SHTN1: variants seen among roughly 807,000 people sequenced by gnomAD.
SHTN1 encodes shootin-1.
In SHTN1, 42 loss-of-function variants were observed where a neutral mutation model predicts 83.1. The ratio of observed to expected loss-of-function variants is 0.51; its 90% CI spans 0.39 to 0.65. The LOEUF is 0.65. SHTN1 is among the 30% of genes least tolerant of loss of function. The pLI, the probability that SHTN1 is intolerant of heterozygous loss-of-function variation, is 0.00. For missense variants in SHTN1, 622 were observed against 737.8 expected, an observed-to-expected ratio of 0.84 and a Z score of 1.82; for synonymous variants, 224 against 247.7, an observed-to-expected ratio of 0.90 and a Z score of 0.90.
chr10:116,898,636 T>A (rs1847607423), intron 16 of SHTN1, among the ~76,000 whole-genome samples: 1 of 152,158 alleles, frequency 6.6e-6, no homozygotes, highest in Non-Finnish European at 1.5e-5. Flanking sequence ...TTATTAGACA[T>A]AATTAACAGG....
intron 1 of SHTN1, among the ~76,000 whole-genome samples, chr10:117,121,949 G>A (rs1007876013): frequency 2.6e-5 from 4 of 151,886 alleles, no homozygotes; most frequent in South Asian, 2.1e-4. Context: ...GGAGAATGGC[G>A]TGAACCCAGG....
At chr10:117,009,142 C>A (rs1852064544), upstream of SHTN1, among the ~76,000 whole-genome samples, 1 of 151,846 alleles carries the variant, frequency 6.6e-6, no homozygotes, top group Non-Finnish European at 1.5e-5. Context: ...AAGAAAATAT[C>A]AACCAAATAT....
chr10:117,028,414 G>T (rs1009418335), intron 2 of SHTN1, among the ~76,000 whole-genome samples: 10 of 152,152 alleles, frequency 6.6e-5, no homozygotes, highest in Admixed American at 5.2e-4. Flanking sequence ...GTAGAAATTT[G>T]TATAAGTAAA....
At chr10:117,103,744 G>T (rs140645847) in intron 1 of SHTN1, among the ~76,000 whole-genome samples, 13,176 of 151,814 alleles carry the variant, frequency 0.087, 747 homozygotes, top group South Asian at 0.14. Context: ...CACTGTGTTA[G>T]CCAGGATGGT....
At chr10:117,054,096 C>T (rs1406041861) in intron 1 of SHTN1, among the ~76,000 whole-genome samples, 1 of 151,976 alleles carries the variant, frequency 6.6e-6, no homozygotes, top group African/African-American at 2.4e-5. Flanking sequence ...AATACTAAGC[C>T]CCTCACCAAT....
intron 2 of SHTN1, among the ~76,000 whole-genome samples, chr10:117,046,017 A>G (rs1589909835): frequency 6.6e-6 from 1 of 152,230 alleles, no homozygotes; most frequent in East Asian, 1.9e-4. Flanking sequence ...TAAACCAGAT[A>G]CAACTGAGGA....
At chr10:117,020,713 T>TA (rs1453768596) in intron 2 of SHTN1, among the ~76,000 whole-genome samples, 1 of 151,868 alleles carries the variant, frequency 6.6e-6, no homozygotes, top group African/African-American at 2.4e-5. Context: ...ATGAAGTTTC[T>TA]AGAAGAAAAC....
intron 1 of SHTN1, among the ~76,000 whole-genome samples, chr10:117,055,147 G>A (rs377178322): frequency 1.3e-5 from 2 of 152,136 alleles, no homozygotes; most frequent in East Asian, 3.9e-4. Flanking sequence ...CGAATCTCGT[G>A]AGAACTCACT....
chr10:116,904,616 T>C (rs866172222), intron 15 of SHTN1, among the ~76,000 whole-genome samples: 17 of 152,294 alleles, frequency 1.1e-4, no homozygotes, highest in South Asian at 2.1e-4. Flanking sequence ...CCTAAAATAA[T>C]ACAAATATTT....
chr10:116,997,076 C>A (rs1851652080), intron 1 of SHTN1, among the ~76,000 whole-genome samples: 1 of 152,196 alleles, frequency 6.6e-6, no homozygotes. Flanking sequence ...ATTACAAAGA[C>A]AAGAGGTCTA....
At chr10:116,932,380 C>T (rs139312139) in intron 9 of SHTN1, among the ~76,000 whole-genome samples, 2 of 152,276 alleles carry the variant, frequency 1.3e-5, no homozygotes, top group East Asian at 1.9e-4. Flanking sequence ...GAACTGCACA[C>T]GCGAGGGATC....
intron 14 of SHTN1, among the ~76,000 whole-genome samples, chr10:116,911,004 G>A (rs1316744829): frequency 1.3e-5 from 2 of 152,208 alleles, no homozygotes; most frequent in East Asian, 3.9e-4. Context: ...AATTGGCACA[G>A]CAACAACAAA....
intron 2 of SHTN1, among the ~76,000 whole-genome samples, chr10:117,032,876 A>G (rs1297717390): frequency 2.0e-5 from 3 of 152,214 alleles, no homozygotes. Context: ...AAAAATCAGT[A>G]ACAAGAGGAA....
chr10:117,104,889 G>C lies in SHTN1; in HGVS notation c.-189+21418C>G, dbSNP rs537385172. ...GAAAATCTAGTATGTCTGACTCTCT[G>C]TGGGAATTACTGGAGTTGGATTAAA... On this transcript the variant is annotated intron_variant, in intron 1 of 17. Coordinates refer to the SHTN1 transcript ENST00000392901. 7.9e-5 allele frequency among the ~76,000 whole-genome samples: 12 copies of C among 151,514 alleles called. No homozygotes were observed. In the East Asian group the frequency reaches 2.3e-3, roughly 29 times the overall value.
chr10:116,927,733 T>G, intron 11 of SHTN1, 59 bp downstream of exon 11: 2 of 1,440,848 alleles, frequency 1.4e-6, no homozygotes, highest in Non-Finnish European at 1.8e-6. Context: ...ACTCCTCTTA[T>G]GGCACAATCT....
chr10:117,123,228 C>G (rs1203924746), intron 1 of SHTN1, among the ~76,000 whole-genome samples: 1 of 152,192 alleles, frequency 6.6e-6, no homozygotes. Flanking sequence ...TCTCAAACTC[C>G]TGACCTCAGG....
intron 1 of SHTN1, among the ~76,000 whole-genome samples, chr10:117,104,247 C>G (rs886695268): frequency 6.6e-6 from 1 of 152,066 alleles, no homozygotes; most frequent in Non-Finnish European, 1.5e-5. Flanking sequence ...TAGTATCTCT[C>G]TCATAAAATC....
intron 1 of SHTN1, among the ~76,000 whole-genome samples, chr10:116,991,263 T>C (rs1286275512): frequency 6.6e-6 from 1 of 152,220 alleles, no homozygotes; most frequent in African/African-American, 2.4e-5. Context: ...TCACTCGTAA[T>C]ATATAACTTT....
At chr10:117,039,025 AC>A (rs1348599928) in intron 2 of SHTN1, among the ~76,000 whole-genome samples, 3 of 152,260 alleles carry the variant, frequency 2.0e-5, no homozygotes, top group Middle Eastern at 6.8e-3. Context: ...CTTGTATCCC[AC>A]CCAAAACCTG....
Sources: allele counts gnomAD v4.1 joint callset (sites outside exome capture counted in the v4.1 genomes callset), GRCh38; gene constraint gnomAD v4.1.1; transcripts MANE v1.5; gene names NCBI Gene and HGNC (gene_info 2026-07-23, HGNC 2026-07-21).